RGS7: variants seen among roughly 807,000 people sequenced by gnomAD.
RGS7 encodes regulator of G protein signaling 7.
In RGS7, 27 loss-of-function variants were observed where a neutral mutation model predicts 81.1. The observed-to-expected ratio is 0.33, with a 90% CI of 0.25 to 0.46. The LOEUF is 0.46. Ranked by LOEUF, RGS7 falls within the 20% of genes least tolerant of loss-of-function variation. RGS7 has a pLI of 1.00. For synonymous variants in RGS7, 208 were observed against 207.7 expected (o/e 1.00, Z -0.01); for missense variants, 396 against 607.4 (o/e 0.65, Z 3.66).
At chr1:241,095,629 C>T (rs1265744765) in intron 3 of RGS7, among the ~76,000 whole-genome samples, 3 of 152,060 alleles carry the variant, frequency 2.0e-5, no homozygotes, top group Non-Finnish European at 4.4e-5. Flanking sequence ...GCCTGGGTGA[C>T]AGAGCAAGAC....
Position 241,295,594 on chromosome 1 carries a change from T to C in RGS7, c.78+60105A>G, listed in dbSNP as rs2079376701. On this transcript the variant is annotated intron_variant, in intron 2 of 18. Coordinates refer to ENST00000440928, the MANE Select transcript of RGS7 (RefSeq NM_001364886.1). ...AAACACAGGCCACGTCCTAAAGGCG[T>C]TGGAGAACTGGGATGTGTGAGAGCA... 2.0e-5 allele frequency among the ~76,000 whole-genome samples: 3 copies of C among 151,964 alleles called. No individual in the cohort carries two copies. The South Asian group carries it at 6.2e-4, about 32-fold the overall frequency.
chr1:241,001,712 C>T (rs1688166856), intron 3 of RGS7, among the ~76,000 whole-genome samples: 1 of 152,112 alleles, frequency 6.6e-6, no homozygotes, highest in Non-Finnish European at 1.5e-5. Context: ...ATGACTCCAA[C>T]AATGCGACTT....
At chr1:240,911,773 GT>G (rs1671788243) in intron 6 of RGS7, among the ~76,000 whole-genome samples, 1 of 152,066 alleles carries the variant, frequency 6.6e-6, no homozygotes, top group Non-Finnish European at 1.5e-5. Flanking sequence ...CAGCTCAATT[GT>G]TTTTAGTCAT....
At chr1:240,914,899 T>G (rs988458124) in intron 6 of RGS7, among the ~76,000 whole-genome samples, 6 of 152,262 alleles carry the variant, frequency 3.9e-5, no homozygotes, top group Non-Finnish European at 7.4e-5. Flanking sequence ...ACAGAAACCT[T>G]TGGGAAAACC....
intron 4 of RGS7, among the ~76,000 whole-genome samples, chr1:240,979,838 A>G (rs1313143232): frequency 6.6e-6 from 1 of 152,190 alleles, no homozygotes; most frequent in Non-Finnish European, 1.5e-5. Context: ...GAAATTCTGG[A>G]AGCAAAGGAC....
At chr1:240,976,181 A>G (rs2148529285) in intron 4 of RGS7, among the ~76,000 whole-genome samples, 1 of 152,362 alleles carries the variant, frequency 6.6e-6, no homozygotes, top group Non-Finnish European at 1.5e-5. Context: ...GCAAAATAGC[A>G]CAGGGCTTTC....
intron 6 of RGS7, among the ~76,000 whole-genome samples, chr1:240,924,557 A>G (rs1674113115): frequency 6.6e-6 from 1 of 152,208 alleles, no homozygotes; most frequent in Non-Finnish European, 1.5e-5. Flanking sequence ...TACACACCAG[A>G]AAGTCTGTAT....
chr1:240,993,816 T>A (rs1161598259), intron 3 of RGS7, among the ~76,000 whole-genome samples: 1 of 152,202 alleles, frequency 6.6e-6, no homozygotes, highest in Non-Finnish European at 1.5e-5. Context: ...TTCCTAAATT[T>A]TTTTTGTTTT....
chr1:241,086,401 C>T (rs1223464096), intron 3 of RGS7, among the ~76,000 whole-genome samples: 1 of 151,962 alleles, frequency 6.6e-6, no homozygotes, highest in East Asian at 1.9e-4. Flanking sequence ...CTCACCTGCC[C>T]CCCTCACTTC....
intron 2 of RGS7, among the ~76,000 whole-genome samples, chr1:241,338,120 A>AT (rs2082344409): frequency 6.6e-6 from 1 of 152,070 alleles, no homozygotes; most frequent in Non-Finnish European, 1.5e-5. Context: ...TTGTGTAGCT[A>AT]TTTTTTATAT....
In RGS7 at chr1:241,008,912, CAAAAAAAAAA is replaced by C. The variant is rs33916247; in HGVS notation, c.176-25793_176-25784del. ...GGGCAACAGAGCAAGACTCTGTCTC[CAAAAAAAAAA>C]AAAAAAAAAAAAAAGAAATGTGATT... is the stretch of plus-strand genomic sequence containing the variant. On this transcript the variant is annotated intron_variant, in intron 3 of 18. Transcript: ENST00000440928. Among the ~76,000 whole-genome samples the C allele has an allele frequency of 2.4e-3, 185 of 77,922 alleles. 1 individual carries two copies. The highest frequency in any genetic ancestry group is 8.1e-3 in the African/African-American group (177 of 21,836). 51.1% of individuals were successfully genotyped at this position (77,922 alleles called of 152,430 possible). A position where few individuals can be genotyped will look rare whatever the true frequency, so the allele number is the denominator to read the frequency against.
At chr1:241,303,867 T>C (rs898238763) in intron 2 of RGS7, among the ~76,000 whole-genome samples, 15 of 152,290 alleles carry the variant, frequency 9.8e-5, no homozygotes, top group Admixed American at 8.5e-4. Flanking sequence ...CTTGCTAAGA[T>C]GCAGGATTTA....
chr1:240,886,286 C>G (rs374182991), intron 6 of RGS7, among the ~76,000 whole-genome samples: 42 of 152,276 alleles, frequency 2.8e-4, no homozygotes, highest in African/African-American at 9.6e-4. Context: ...CCACAATAAT[C>G]CATCCAGTGG....
Position 240,832,467 on chromosome 1 carries a change from T to C in RGS7, c.610-5295A>G, listed in dbSNP as rs866654852. Among the ~76,000 whole-genome samples the C allele has an allele frequency of 2.0e-5, 3 of 152,366 alleles. 1 individual carries two copies. The highest frequency in any genetic ancestry group is 3.4e-3 in the Middle Eastern group (1 of 294). On this transcript the variant is annotated intron_variant, in intron 9 of 18. Transcript: ENST00000440928. ...CTGAGGGAGTAAACGGAGCATATCA[T>C]TGAGAAATACTACTGTCATAACATT...
chr1:241,215,046 T>C (rs2074466405), intron 2 of RGS7, among the ~76,000 whole-genome samples: 1 of 152,192 alleles, frequency 6.6e-6, no homozygotes, highest in Non-Finnish European at 1.5e-5. Context: ...CTTGACTATG[T>C]CTAATAATTT....
chr1:240,832,984 T>C (rs1440964536), intron 9 of RGS7, among the ~76,000 whole-genome samples: 1 of 152,162 alleles, frequency 6.6e-6, no homozygotes, highest in East Asian at 1.9e-4. Context: ...GCTGTTTTTC[T>C]TATATATACA....
rs966741349 is a variant in RGS7 at position 240,782,025 on chromosome 1, AAAG to A, written c.*7-5815_*7-5813del. Among the ~76,000 whole-genome samples the A allele has an allele frequency of 2.2e-4, 33 of 151,928 alleles. 2 individuals carry two copies. The South Asian group carries it at 5.2e-3, about 24-fold the overall frequency. On this transcript the variant is annotated intron_variant, in intron 18 of 18. Coordinates refer to ENST00000440928, the MANE Select transcript of RGS7 (RefSeq NM_001364886.1). ...GTGAGACTCCGTCTCAAAAAAAAAAAAAGAGATCTTAAGTGCAGCACTGAGGTC... is the reference window on the plus strand; with the variant it reads ...GTGAGACTCCGTCTCAAAAAAAAAAAAGATCTTAAGTGCAGCACTGAGGTC...
chr1:241,040,058 TG>T (rs2060530870), intron 3 of RGS7, among the ~76,000 whole-genome samples: 2 of 152,312 alleles, frequency 1.3e-5, no homozygotes, highest in South Asian at 4.1e-4. Flanking sequence ...CTCATCATGA[TG>T]ATACACTAGG....
At chr1:241,031,799 CT>C (rs1367232027) in intron 3 of RGS7, among the ~76,000 whole-genome samples, 2 of 151,968 alleles carry the variant, frequency 1.3e-5, no homozygotes, top group East Asian at 3.9e-4. Flanking sequence ...TGTTTGTGCC[CT>C]CTGCCCACTT....
Sources: gnomAD v4.1 joint callset for allele counts (sites outside exome capture counted in the v4.1 genomes callset) on GRCh38, gnomAD v4.1.1 for gene constraint, MANE v1.5 for transcripts, NCBI Gene and HGNC (gene_info 2026-07-23, HGNC 2026-07-21) for gene names.